Variants in LINGO2 observed in about 807,000 individuals in gnomAD.
LINGO2 encodes leucine-rich repeat and immunoglobulin-like domain-containing nogo receptor-interacting protein 2.
In LINGO2, 14 loss-of-function variants were observed where a neutral mutation model predicts 30.6. The ratio of observed to expected loss-of-function variants is 0.46; its 90% confidence interval spans 0.30 to 0.72. LINGO2 has a LOEUF of 0.72. LINGO2 is among the 30% of genes least tolerant of loss of function. LINGO2 has a pLI of 0.07. For synonymous variants in LINGO2, 317 were observed against 288.5 expected (o/e 1.10, Z -1.00); for missense variants, 729 against 751.7 (o/e 0.97, Z 0.35).
At chr9:28,899,200 C>T in the LINGO2 span, among the ~76,000 whole-genome samples, 754 of 152,300 alleles carry the variant, frequency 5.0e-3, 2 homozygotes, top group Non-Finnish European at 7.3e-3. Context: ...CCCAAACCCT[C>T]GGCAACACAG....
the LINGO2 span, among the ~76,000 whole-genome samples, chr9:29,160,917 G>A: frequency 6.6e-6 from 1 of 152,224 alleles, no homozygotes; most frequent in Non-Finnish European, 1.5e-5. Context: ...ACTAGTCTCT[G>A]AGCCACTATT....
At chr9:28,758,106 G>A in the LINGO2 span, among the ~76,000 whole-genome samples, 4 of 152,014 alleles carry the variant, frequency 2.6e-5, no homozygotes, top group Non-Finnish European at 4.4e-5. Flanking sequence ...GGAAAGGACT[G>A]TTGTATAGTC....
the LINGO2 span, among the ~76,000 whole-genome samples, chr9:29,055,938 G>GTATATATATATATATATATACATATA: frequency 1.0e-4 from 10 of 99,888 alleles, no homozygotes; most frequent in Non-Finnish European, 1.7e-4. Flanking sequence ...GTATGTGTGT[G>GTATATATATATATATATATACATATA]TGTATATATA....
chr9:28,071,573 C>T (rs1254686404), intron 4 of LINGO2, among the ~76,000 whole-genome samples: 2 of 151,224 alleles, frequency 1.3e-5, no homozygotes, highest in African/African-American at 2.4e-5. Context: ...CATTTATAAT[C>T]ATACGAGATA....
intron 1 of LINGO2, among the ~76,000 whole-genome samples, chr9:28,535,398 A>G (rs1007005879): frequency 6.6e-6 from 1 of 152,168 alleles, no homozygotes; most frequent in Non-Finnish European, 1.5e-5. Context: ...AAAAAAATGC[A>G]CTAATGCAAA....
the LINGO2 span, among the ~76,000 whole-genome samples, chr9:28,951,571 G>A: frequency 6.6e-6 from 1 of 152,082 alleles, no homozygotes; most frequent in Non-Finnish European, 1.5e-5. Context: ...CCCCCAGGTG[G>A]CTCGTATCCC....
chr9:28,037,958 G>T (rs1308650361), intron 4 of LINGO2, among the ~76,000 whole-genome samples: 4 of 152,160 alleles, frequency 2.6e-5, no homozygotes, highest in Non-Finnish European at 5.9e-5. Flanking sequence ...AGGAAGCTGA[G>T]GCATAAAGAG....
At chr9:27,990,013 C>A (rs1029392028) in intron 5 of LINGO2, among the ~76,000 whole-genome samples, 1 of 152,000 alleles carries the variant, frequency 6.6e-6, no homozygotes, top group African/African-American at 2.4e-5. Flanking sequence ...CACAAGTCTG[C>A]ACAGATCATT....
chr9:28,357,294 T>G (rs1417552883), intron 3 of LINGO2, among the ~76,000 whole-genome samples: 1 of 146,076 alleles, frequency 6.8e-6, no homozygotes, highest in Non-Finnish European at 1.5e-5. Context: ...CCTCTAAAAG[T>G]CTTTCAGATA....
intron 3 of LINGO2, among the ~76,000 whole-genome samples, chr9:28,303,121 A>G (rs1302897843): frequency 6.6e-6 from 1 of 152,154 alleles, no homozygotes; most frequent in African/African-American, 2.4e-5. Flanking sequence ...TAAACACTAT[A>G]TTCCACTTTA....
chr9:28,464,734 C>G (rs1825227416), intron 2 of LINGO2, among the ~76,000 whole-genome samples: 1 of 152,132 alleles, frequency 6.6e-6, no homozygotes, highest in African/African-American at 2.4e-5. Context: ...GGGAACTTGG[C>G]TATAGAAAAT....
chr9:28,219,365 T>C lies in LINGO2; in HGVS notation c.-87+75843A>G, dbSNP rs112214126. On this transcript the variant is annotated intron_variant, in intron 4 of 5. Coordinates refer to ENST00000379992, the Ensembl canonical transcript of LINGO2. Reference sequence around the variant, plus strand: ...GGCTTCTTGTTCAGTTACACTCTTTTATATTTCAAAATGATGGATATGCTT... The same window carrying C: ...GGCTTCTTGTTCAGTTACACTCTTTCATATTTCAAAATGATGGATATGCTT... Among the ~76,000 whole-genome samples, 30 of 152,330 alleles carry C rather than the reference T, an allele frequency of 2.0e-4. No individual in the cohort carries two copies. In the East Asian group the frequency reaches 2.7e-3, roughly 14 times the overall value.
intron 4 of LINGO2, among the ~76,000 whole-genome samples, chr9:28,095,164 A>G (rs999425316): frequency 5.9e-5 from 9 of 152,068 alleles, no homozygotes; most frequent in African/African-American, 2.2e-4. Context: ...ACTCCCAAAA[A>G]CCATTGAAGA....
intron 3 of LINGO2, among the ~76,000 whole-genome samples, chr9:28,333,929 C>T (rs934909325): frequency 6.6e-6 from 1 of 152,090 alleles, no homozygotes; most frequent in Non-Finnish European, 1.5e-5. Context: ...TTTTGTCAGT[C>T]TGCTGTTTCA....
rs567013100 is a variant in LINGO2, at chr9:28,556,251, A to T, written c.-364-80226T>A. On this transcript the variant is annotated intron_variant, in intron 1 of 5. Transcript: ENST00000379992. ...TGATTGTATATCTAGAAAACCCCAT[A>T]GTCTCAGCCCAAAATCTCCTTAAGC... Among the ~76,000 whole-genome samples the T allele has an allele frequency of 4.8e-4, 73 of 152,078 alleles. 1 individual carries two copies. In the South Asian group the frequency reaches 8.9e-3, roughly 19 times the overall value.
At chr9:29,131,963 T>A in the LINGO2 span, among the ~76,000 whole-genome samples, 1 of 151,556 alleles carries the variant, frequency 6.6e-6, no homozygotes, top group Non-Finnish European at 1.5e-5. Context: ...GTAGTTGTAT[T>A]CATTTCCTCT....
intron 3 of LINGO2, among the ~76,000 whole-genome samples, chr9:28,319,415 T>C (rs1824957893): frequency 6.6e-6 from 1 of 152,194 alleles, no homozygotes; most frequent in South Asian, 2.1e-4. Context: ...AATCTCTCTG[T>C]TTTAAGATTC....
At chr9:28,723,864 G>C in the LINGO2 span, among the ~76,000 whole-genome samples, 2 of 152,058 alleles carry the variant, frequency 1.3e-5, no homozygotes, top group Non-Finnish European at 2.9e-5. Context: ...CATTGTTCTT[G>C]AAGAGGTTAT....
the LINGO2 span, among the ~76,000 whole-genome samples, chr9:28,986,830 C>A: frequency 6.6e-6 from 1 of 151,848 alleles, no homozygotes; most frequent in Non-Finnish European, 1.5e-5. Context: ...AAATAATATA[C>A]TGAAAGTAAA....
Sources: gnomAD v4.1 joint callset for allele counts (sites outside exome capture counted in the v4.1 genomes callset) on GRCh38, gnomAD v4.1.1 for gene constraint, MANE v1.5 for transcripts, NCBI Gene and HGNC (gene_info 2026-07-23, HGNC 2026-07-21) for gene names.